The following ARMH1 variants were observed in gnomAD, a reference collection of about 807,000 sequenced individuals.
ARMH1 encodes the protein armadillo-like helical domain containing protein 1.
ARMH1 carries 34 observed loss-of-function variants against 50.2 expected under a neutral mutation model. That is an observed-to-expected ratio of 0.68 (90% CI 0.51 to 0.90). ARMH1 has a LOEUF of 0.90. Ranked by LOEUF, ARMH1 falls within the 40% of genes least tolerant of loss-of-function variation. The pLI, the probability that ARMH1 is intolerant of heterozygous loss-of-function variation, is 0.00. For synonymous variants in ARMH1, 221 were observed against 224.2 expected (o/e 0.99, Z 0.13); for missense variants, 538 against 553.9 (o/e 0.97, Z 0.29).
Position 44,689,882 on chromosome 1 carries a change from T to G in ARMH1, c.185T>G (p.Leu62Trp), listed in dbSNP as rs1339640410. 1 of 1,550,680 alleles carries G rather than the reference T, an allele frequency of 6.4e-7. No individual in the cohort carries two copies. The highest frequency in any genetic ancestry group is 2.4e-5 in the East Asian group (1 of 40,904). Residue 62 changes from leucine (L) to tryptophan (W), a missense_variant, in exon 2 of 12, where the codon TTG becomes TGG. Coordinates refer to ENST00000535358, the MANE Select transcript of ARMH1 (RefSeq NM_001145636.2). ...GGAGCCAGTTTGTTCCTGGTACGCTTGACCACCTCGCTTAGAATCACGTAT... is the reference window on the plus strand; with the variant it reads ...GGAGCCAGTTTGTTCCTGGTACGCTGGACCACCTCGCTTAGAATCACGTAT... ...SQGASLFLVR[L>W]TTSLRITYMT... is the part of the protein sequence containing the mutation.
At chr1:44,721,737 A>C (rs1460041388) in intron 6 of ARMH1, 1 of 152,006 alleles carries the variant, frequency 6.6e-6, no homozygotes, top group East Asian at 1.9e-4. Flanking sequence ...CAACCTCCCA[A>C]AGCATGAAAC....
chr1:44,721,347 C>G (rs1419886798), intron 6 of ARMH1, among the ~76,000 whole-genome samples: 2 of 152,128 alleles, frequency 1.3e-5, no homozygotes, highest in Non-Finnish European at 2.9e-5. Context: ...CATCCTAACT[C>G]TTAAGTTTTT....
At chr1:44,680,028 A>G (rs984706791) in intron 1 of ARMH1, among the ~76,000 whole-genome samples, 1 of 152,232 alleles carries the variant, frequency 6.6e-6, no homozygotes, top group African/African-American at 2.4e-5. Context: ...GAGTTTGCCA[A>G]AGGGCAAAAA....
At chr1:44,712,756 G>A (rs913437986) in intron 6 of ARMH1, among the ~76,000 whole-genome samples, 2 of 145,316 alleles carry the variant, frequency 1.4e-5, no homozygotes, top group African/African-American at 2.6e-5. Context: ...CTCTGCCTCC[G>A]AGGTTCAAGC....
chr1:44,685,446 C>T (rs1253020298), intron 1 of ARMH1, among the ~76,000 whole-genome samples: 2 of 151,546 alleles, frequency 1.3e-5, no homozygotes, highest in African/African-American at 4.9e-5. Context: ...TCCCAAGTAG[C>T]TGAAACTACA....
intron 5 of ARMH1, 53 bp downstream of exon 5, chr1:44,701,172 C>A: frequency 1.4e-6 from 2 of 1,460,614 alleles, no homozygotes; most frequent in Non-Finnish European, 1.8e-6. Flanking sequence ...AATAATCTTA[C>A]AATTACCTTC....
At chr1:44,723,878 A>G (rs1647788530) in intron 6 of ARMH1, 2 of 467,394 alleles carry the variant, frequency 4.3e-6, no homozygotes, top group South Asian at 6.8e-5. Flanking sequence ...CTCAGCCTCC[A>G]GCGCTGACAT....
chr1:44,709,466 A>G (rs548612656), intron 6 of ARMH1, among the ~76,000 whole-genome samples: 23 of 152,104 alleles, frequency 1.5e-4, no homozygotes, highest in Non-Finnish European at 2.9e-4. Context: ...AGGTCAGGAG[A>G]TCGAGACCAT....
chr1:44,683,219 G>A lies in ARMH1; in HGVS notation c.-22-6457G>A, dbSNP rs1645368325. ...GGGTGGTGACCCAAGCACTGAAATA[G>A]GACCAACACAGGGCAAGGGGCAGGT... On this transcript the variant is annotated intron_variant, in intron 1 of 11. Coordinates refer to ENST00000535358, the MANE Select transcript of ARMH1 (RefSeq NM_001145636.2). This position sits in a 1 kb window ranked among gnomAD's most constrained non-coding sequence, Gnocchi z 4.2. 6.6e-6 allele frequency among the ~76,000 whole-genome samples: 1 copy of A among 152,184 alleles called. No homozygotes were observed. Among genetic ancestry groups the A allele is most frequent in the African/African-American group, 2.4e-5 (1 of 41,436 alleles).
At chr1:44,691,111 A>C (rs906990156) in intron 2 of ARMH1, among the ~76,000 whole-genome samples, 12 of 151,960 alleles carry the variant, frequency 7.9e-5, no homozygotes, top group African/African-American at 2.7e-4. Flanking sequence ...TACAAAACTT[A>C]GCTGGGCATG....
intron 5 of ARMH1, among the ~76,000 whole-genome samples, chr1:44,701,882 C>T (rs1458654268): frequency 6.6e-6 from 1 of 151,192 alleles, no homozygotes; most frequent in Non-Finnish European, 1.5e-5. Flanking sequence ...GAGCCAAGAT[C>T]ATGCCACTGT....
intron 2 of ARMH1, among the ~76,000 whole-genome samples, chr1:44,695,507 A>G (rs185574830): frequency 5.0e-4 from 75 of 151,392 alleles, no homozygotes; most frequent in African/African-American, 1.6e-3. Flanking sequence ...AAACAAGACT[A>G]GCTGGGTGTG....
At chr1:44,678,794 C>T (rs1645215207) in intron 1 of ARMH1, among the ~76,000 whole-genome samples, 2 of 151,826 alleles carry the variant, frequency 1.3e-5, no homozygotes, top group African/African-American at 2.4e-5. Context: ...TTTGATTTGC[C>T]GGGGGGGTGG....
intron 2 of ARMH1, among the ~76,000 whole-genome samples, chr1:44,695,737 C>G (rs747845975): frequency 5.3e-5 from 8 of 151,884 alleles, no homozygotes; most frequent in Non-Finnish European, 8.8e-5. Context: ...TTTACAAGTC[C>G]GAAACTAGTC....
intron 5 of ARMH1, among the ~76,000 whole-genome samples, chr1:44,702,215 GCT>G (rs1429880816): frequency 6.6e-6 from 1 of 152,098 alleles, no homozygotes; most frequent in Non-Finnish European, 1.5e-5. Context: ...TTATCTACAC[GCT>G]CTCTCTTAGT....
At chr1:44,719,651 A>G (rs990801541) in intron 6 of ARMH1, among the ~76,000 whole-genome samples, 3 of 152,228 alleles carry the variant, frequency 2.0e-5, no homozygotes, top group Non-Finnish European at 4.4e-5. Flanking sequence ...TAGGCAGCAT[A>G]TGTCTGTTTG....
intron 2 of ARMH1, among the ~76,000 whole-genome samples, chr1:44,690,173 A>T (rs912734973): frequency 1.3e-5 from 2 of 152,066 alleles, no homozygotes; most frequent in Non-Finnish European, 2.9e-5. Flanking sequence ...AGCCGAGATC[A>T]TGCCACTGCA....
At chr1:44,677,252 T>A (rs373936270) in intron 1 of ARMH1, among the ~76,000 whole-genome samples, 67 of 152,230 alleles carry the variant, frequency 4.4e-4, no homozygotes, top group African/African-American at 1.6e-3. Flanking sequence ...CCTGTCGAGG[T>A]TAGTGACCAT....
At chr1:44,712,631 C>T (rs1215649603) in intron 6 of ARMH1, among the ~76,000 whole-genome samples, 3 of 150,126 alleles carry the variant, frequency 2.0e-5, no homozygotes, top group Non-Finnish European at 4.4e-5. Flanking sequence ...ATACCCCTCA[C>T]AGGGTTAAGC....
Sources: gnomAD v4.1 joint callset for allele counts (sites outside exome capture counted in the v4.1 genomes callset) on GRCh38, gnomAD v4.1.1 for gene constraint, Gnocchi (gnomAD v3.1) non-coding constraint, MANE v1.5 for transcripts, NCBI Gene and HGNC (gene_info 2026-07-23, HGNC 2026-07-21) for gene names.